Variants in PARD3B observed in about 807,000 individuals in gnomAD.
PARD3B encodes the protein par-3 family cell polarity regulator beta, also known as partitioning defective 3 homolog B.
Under a neutral mutation model 130.2 loss-of-function variants are expected in PARD3B, and 103 were observed. The observed-to-expected ratio is 0.79, with a 90% CI of 0.67 to 0.93. The LOEUF (loss-of-function observed/expected upper bound fraction) is 0.93. Ranked by LOEUF, PARD3B falls within the 40% of genes least tolerant of loss-of-function variation. The pLI, the probability that PARD3B is intolerant of heterozygous loss-of-function variation, is 0.00. For synonymous variants in PARD3B, 583 were observed against 553.2 expected (o/e 1.05, Z -0.76); for missense variants, 1,609 against 1,499.2 (o/e 1.07, Z -1.21).
intron 2 of PARD3B, among the ~76,000 whole-genome samples, chr2:204,824,845 G>A (rs139969310): frequency 3.1e-4 from 47 of 152,252 alleles, no homozygotes; most frequent in East Asian, 1.7e-3. Context: ...AAATGAAGAC[G>A]CTGGCCCACC....
Position 205,589,417 on chromosome 2 carries a change from C to T in PARD3B, c.3261-26039C>T, listed in dbSNP as rs1324501525. ...ATCAGGCTCTCCAAACCTCTGTTCC[C>T]ACGGCAACTCCAGATCCAGTCCCAT... On this transcript the variant is annotated intron_variant, in intron 22 of 22. Coordinates refer to ENST00000406610, the MANE Select transcript of PARD3B (RefSeq NM_001302769.2). This position sits in a 1 kb window ranked among gnomAD's most constrained non-coding sequence, Gnocchi z 4.1. 6.6e-6 allele frequency among the ~76,000 whole-genome samples: 1 copy of T among 152,150 alleles called. No individual in the cohort carries two copies. The highest frequency in any genetic ancestry group is 6.5e-5 in the Admixed American group (1 of 15,278).
At chr2:205,185,944 A>C in intron 14 of PARD3B, 81 bp downstream of exon 14, 1 of 1,106,374 alleles carries the variant, frequency 9.0e-7, no homozygotes, top group Non-Finnish European at 1.4e-6. Flanking sequence ...CAGCAAACTT[A>C]TTTTAACTCT....
chr2:204,808,514 C>T (rs999538098), intron 2 of PARD3B, among the ~76,000 whole-genome samples: 6 of 151,980 alleles, frequency 3.9e-5, no homozygotes, highest in African/African-American at 9.7e-5. Context: ...CAAGTAGGCC[C>T]TAGTGTCTCC....
chr2:205,536,664 T>C (rs1309428785), intron 21 of PARD3B, among the ~76,000 whole-genome samples: 1 of 152,168 alleles, frequency 6.6e-6, no homozygotes, highest in African/African-American at 2.4e-5. Context: ...CTAAACTATA[T>C]TGGGCCAATG....
At chr2:204,571,996 T>A (rs1419367487) in intron 1 of PARD3B, among the ~76,000 whole-genome samples, 1 of 152,168 alleles carries the variant, frequency 6.6e-6, no homozygotes, top group South Asian at 2.1e-4. Flanking sequence ...GTAACTTTTT[T>A]TCTCTATACT....
In PARD3B at chr2:205,268,510, GA is replaced by G. The variant is rs1296406379; in HGVS notation, c.2185+22692del. ...TTCTCTGGGTGTTAAAAGTCCACTG[GA>G]AAATAAGAGAAAGAAAATTGAGTTT... On this transcript the variant is annotated intron_variant, in intron 16 of 22. Coordinates refer to ENST00000406610, the MANE Select transcript of PARD3B (RefSeq NM_001302769.2). The surrounding 1 kb of genome is among the most constrained non-coding windows in gnomAD (Gnocchi z 4.1). Among the ~76,000 whole-genome samples the G allele has an allele frequency of 1.3e-5, 2 of 152,080 alleles. No homozygotes were observed. The highest frequency in any genetic ancestry group is 2.4e-5 in the African/African-American group (1 of 41,430).
chr2:204,811,296 G>T (rs1040485022), intron 2 of PARD3B, among the ~76,000 whole-genome samples: 3 of 152,006 alleles, frequency 2.0e-5, no homozygotes, highest in African/African-American at 7.2e-5. Context: ...TGGAACTTTT[G>T]TATCTGTTGC....
At chr2:204,683,538 A>AT (rs943773101) in intron 1 of PARD3B, among the ~76,000 whole-genome samples, 22 of 152,166 alleles carry the variant, frequency 1.4e-4, no homozygotes, top group Non-Finnish European at 2.6e-4. Flanking sequence ...TTGTATGTAC[A>AT]TTTTTGAGTG....
chr2:204,586,300 G>A (rs1559170615), intron 1 of PARD3B, among the ~76,000 whole-genome samples: 3 of 152,204 alleles, frequency 2.0e-5, no homozygotes, highest in African/African-American at 7.2e-5. Context: ...GTTTTCAACA[G>A]CATGTTCCTA....
chr2:205,350,929 T>G (rs1312540449), intron 18 of PARD3B, among the ~76,000 whole-genome samples: 2 of 152,346 alleles, frequency 1.3e-5, no homozygotes, highest in East Asian at 3.9e-4. Context: ...AGTTAATTAC[T>G]TAGTTCAAGT....
chr2:205,573,065 C>T (rs2053614480), intron 22 of PARD3B, among the ~76,000 whole-genome samples: 1 of 152,148 alleles, frequency 6.6e-6, no homozygotes, highest in African/African-American at 2.4e-5. Flanking sequence ...CCTTATAAAA[C>T]CATCAGATCT....
At chr2:205,365,084 C>A (rs1036535727) in intron 18 of PARD3B, among the ~76,000 whole-genome samples, 1 of 150,782 alleles carries the variant, frequency 6.6e-6, no homozygotes, top group Admixed American at 6.6e-5. Context: ...CCTGTAATCC[C>A]AGCTACTTGG....
chr2:204,940,545 C>T (rs1487603865), intron 2 of PARD3B, among the ~76,000 whole-genome samples: 1 of 150,470 alleles, frequency 6.6e-6, no homozygotes, highest in East Asian at 2.0e-4. Flanking sequence ...TGTTCATGTA[C>T]ATGAATATCA....
At chr2:204,581,639 G>A (rs1370465330) in intron 1 of PARD3B, among the ~76,000 whole-genome samples, 3 of 152,032 alleles carry the variant, frequency 2.0e-5, no homozygotes, top group Non-Finnish European at 4.4e-5. Flanking sequence ...CCTTTATGTG[G>A]GTTGACCATA....
At chr2:205,239,769 T>C (rs1484717921) in intron 15 of PARD3B, among the ~76,000 whole-genome samples, 5 of 152,158 alleles carry the variant, frequency 3.3e-5, no homozygotes, top group Non-Finnish European at 7.3e-5. Flanking sequence ...CATTATGATA[T>C]TGGAAAAAAA....
intron 1 of PARD3B, among the ~76,000 whole-genome samples, chr2:204,620,866 AGAAGTTG>A (rs1383266749): frequency 1.3e-5 from 2 of 152,142 alleles, no homozygotes; most frequent in African/African-American, 2.4e-5. Flanking sequence ...AGGAGTTTGA[AGAAGTTG>A]CGTCCGTTAT....
chr2:204,987,147 T>G (rs1693228630), intron 3 of PARD3B, among the ~76,000 whole-genome samples: 1 of 151,850 alleles, frequency 6.6e-6, no homozygotes, highest in African/African-American at 2.4e-5. Flanking sequence ...GATTTGACTT[T>G]GGAAAAAAAA....
intron 3 of PARD3B, among the ~76,000 whole-genome samples, chr2:205,034,845 G>A (rs546006365): frequency 3.6e-4 from 54 of 151,992 alleles, no homozygotes; most frequent in Middle Eastern, 6.8e-3. Flanking sequence ...TTTTGGCCAT[G>A]TGTTCTTTTT....
chr2:204,865,404 A>G (rs1007666980), intron 2 of PARD3B, among the ~76,000 whole-genome samples: 25 of 152,204 alleles, frequency 1.6e-4, no homozygotes, highest in Admixed American at 1.4e-3. Context: ...TCAATCAACA[A>G]ATGGATAAAG....
Sources: allele counts gnomAD v4.1 joint callset (sites outside exome capture counted in the v4.1 genomes callset), GRCh38; gene constraint gnomAD v4.1.1; non-coding constraint Gnocchi (gnomAD v3.1); transcripts MANE v1.5; gene names NCBI Gene and HGNC (gene_info 2026-07-23, HGNC 2026-07-21).